AGPS: variants seen among roughly 807,000 people sequenced by gnomAD.
AGPS encodes alkyldihydroxyacetonephosphate synthase, peroxisomal.
Under a neutral mutation model 90.7 loss-of-function variants are expected in AGPS, and 26 were observed. The observed-to-expected ratio is 0.29, with a 90% confidence interval of 0.21 to 0.40. The LOEUF (loss-of-function observed/expected upper bound fraction) is 0.40, where lower values mean the gene tolerates loss of function less well. Ranked by LOEUF, AGPS falls within the 10% of genes least tolerant of loss-of-function variation. The pLI is 1.00. For missense variants in AGPS, 540 were observed against 816.1 expected (o/e 0.66, Z 4.12); for synonymous variants, 294 against 285.3 (o/e 1.03, Z -0.31).
intron 12 of AGPS, among the ~76,000 whole-genome samples, chr2:177,493,903 G>A (rs906490169): frequency 2.6e-5 from 4 of 152,108 alleles, no homozygotes; most frequent in Non-Finnish European, 2.9e-5. Context: ...GATAGAGAAC[G>A]GATGATAGAT....
chr2:177,522,612 C>A (rs770870671), intron 18 of AGPS, among the ~76,000 whole-genome samples: 1 of 152,048 alleles, frequency 6.6e-6, no homozygotes, highest in Non-Finnish European at 1.5e-5. Flanking sequence ...CACCACCATG[C>A]CTGGCTAATT....
intron 1 of AGPS, among the ~76,000 whole-genome samples, chr2:177,399,685 A>G (rs1008338429): frequency 2.6e-5 from 4 of 152,192 alleles, no homozygotes; most frequent in Non-Finnish European, 4.4e-5. Context: ...TGCAGAATGA[A>G]CACATCTATT....
At chr2:177,395,008 T>G (rs948597793) in intron 1 of AGPS, among the ~76,000 whole-genome samples, 2 of 152,118 alleles carry the variant, frequency 1.3e-5, no homozygotes, top group Non-Finnish European at 2.9e-5. Flanking sequence ...TACTGAGTGG[T>G]GGGGAGGGGA....
At chr2:177,438,485 ATT>A (rs1458736158) in intron 5 of AGPS, among the ~76,000 whole-genome samples, 2 of 152,202 alleles carry the variant, frequency 1.3e-5, no homozygotes, top group African/African-American at 4.8e-5. Context: ...AGTAAACAAT[ATT>A]TCACAAAAGT....
At position 177,401,841 on chromosome 2, in the gene AGPS, C is replaced by T. The variant is rs533226457; in HGVS notation, c.260+8792C>T. On this transcript the variant is annotated intron_variant, in intron 1 of 19. Coordinates refer to ENST00000264167, the MANE Select transcript of AGPS (RefSeq NM_003659.4). ...GATTACAGGTGTGAGCCACCGTGCC[C>T]GGCTGATTCCAGATTTTTAAAACAT... 6.6e-5 allele frequency among the ~76,000 whole-genome samples: 10 copies of T among 152,114 alleles called. No individual in the cohort carries two copies. In the East Asian group the frequency reaches 1.2e-3, roughly 18 times the overall value.
At chr2:177,486,373 A>G (rs1422337887) in intron 11 of AGPS, among the ~76,000 whole-genome samples, 2 of 152,304 alleles carry the variant, frequency 1.3e-5, no homozygotes, top group African/African-American at 4.8e-5. Context: ...TACAAGTCTC[A>G]TATGTCAAGA....
At chr2:177,468,231 A>G (rs1038243593) in intron 9 of AGPS, among the ~76,000 whole-genome samples, 185 bp from the exon 10 acceptor site, 6 of 152,134 alleles carry the variant, frequency 3.9e-5, no homozygotes, top group African/African-American at 1.4e-4. Flanking sequence ...TTTTAAGGTT[A>G]TATACAAATT....
Position 177,521,331 on chromosome 2 carries a change from G to A in AGPS, c.1760G>A (p.Gly587Glu). The A allele has an allele frequency of 6.2e-7, 1 of 1,614,030 alleles. No individual in the cohort carries two copies. The highest frequency in any genetic ancestry group is 8.5e-7 in the Non-Finnish European group (1 of 1,179,946). ...TTCTATTTTGCCTTTAACTACAGGG[G>A]AATTAGTGACCCACTGACCGTATTT... ...IYFYFAFNYR[G>E]ISDPLTVFEQ... The change falls in exon 18 of 20, where the codon GGA (glycine) becomes GAA (glutamate). Residue 587 changes from glycine to glutamate, a missense_variant. Physicochemically the swap from Gly to Glu is moderately conservative, Grantham distance 98. Around this residue, in one of 2 missense-constraint regions of AGPS, gnomAD observed 405 missense variants for 692.1 expected, o/e 0.59. Transcript: ENST00000264167.
chr2:177,431,965 A>G (rs1574362014), intron 2 of AGPS, among the ~76,000 whole-genome samples: 1 of 152,192 alleles, frequency 6.6e-6, no homozygotes, highest in Non-Finnish European at 1.5e-5. Flanking sequence ...GAACTGATAA[A>G]TGACCATGAA....
At chr2:177,409,103 T>A (rs972068116) in intron 1 of AGPS, among the ~76,000 whole-genome samples, 4 of 152,212 alleles carry the variant, frequency 2.6e-5, no homozygotes, top group Non-Finnish European at 4.4e-5. Context: ...TCCATGGGTT[T>A]GCCGGAAGCA....
intron 8 of AGPS, among the ~76,000 whole-genome samples, chr2:177,450,735 T>C (rs1686913523): frequency 6.6e-6 from 1 of 151,946 alleles, no homozygotes; most frequent in Non-Finnish European, 1.5e-5. Context: ...TGTATTTCTA[T>C]ATGAACTTCA....
At chr2:177,408,651 C>G (rs550312855) in intron 1 of AGPS, among the ~76,000 whole-genome samples, 3 of 152,152 alleles carry the variant, frequency 2.0e-5, no homozygotes, top group Admixed American at 2.0e-4. Flanking sequence ...TGTTTTCTTG[C>G]GGAATTCTAC....
chr2:177,475,640 CT>C (rs1211682370), intron 10 of AGPS, among the ~76,000 whole-genome samples: 1 of 152,110 alleles, frequency 6.6e-6, no homozygotes, highest in African/African-American at 2.4e-5. Flanking sequence ...TACCTCATTC[CT>C]TTTTTTATAA....
chr2:177,408,143 A>G (rs1685516495), intron 1 of AGPS, among the ~76,000 whole-genome samples: 1 of 152,184 alleles, frequency 6.6e-6, no homozygotes, highest in African/African-American at 2.4e-5. Context: ...GAACCCAAAA[A>G]GTGTAGAACA....
chr2:177,418,796 C>CA (rs774998559), intron 1 of AGPS, among the ~76,000 whole-genome samples: 161 of 132,884 alleles, frequency 1.2e-3, no homozygotes, highest in Admixed American at 1.3e-3. Context: ...GTTTTGGCAC[C>CA]AAAAAAAAAA....
intron 1 of AGPS, among the ~76,000 whole-genome samples, chr2:177,396,938 T>TTCTCTTC (rs1685193178): frequency 1.3e-4 from 1 of 7,526 alleles, no homozygotes; most frequent in Admixed American, 1.8e-3. Flanking sequence ...CTTCTTTTTC[T>TTCTCTTC]TTTCTTTTTT....
rs576740314 is a variant in AGPS, at chr2:177,496,664, G to A, written c.1286-1025G>A. 9.4e-4 allele frequency among the ~76,000 whole-genome samples: 143 copies of A among 151,994 alleles called. 1 individual carries two copies. The Middle Eastern group carries it at 0.01, about 11-fold the overall frequency. On this transcript the variant is annotated intron_variant, in intron 12 of 19. Coordinates refer to ENST00000264167, the MANE Select transcript of AGPS (RefSeq NM_003659.4). ...CTCTGGTTAAGACTTCTATTACTTG[G>A]TCTTTTATGTAACACAGTTTCCTAT... is the stretch of plus-strand genomic sequence containing the variant.
chr2:177,441,258 C>T, intron 6 of AGPS: 1 of 490,322 alleles, frequency 2.0e-6, no homozygotes, highest in Non-Finnish European at 3.6e-6. Context: ...CTCTATGGGC[C>T]CTAGTTGAAG....
At chr2:177,428,898 C>G (rs1212533567) in intron 2 of AGPS, among the ~76,000 whole-genome samples, 1 of 152,168 alleles carries the variant, frequency 6.6e-6, no homozygotes, top group East Asian at 1.9e-4. Context: ...GGATTATATT[C>G]TGAAGTATGT....
Sources: gnomAD v4.1 joint callset for allele counts (sites outside exome capture counted in the v4.1 genomes callset) on GRCh38, gnomAD v4.1.1 for gene constraint, gnomAD v4.1.1 regional missense constraint, MANE v1.5 for transcripts, NCBI Gene and HGNC (gene_info 2026-07-23, HGNC 2026-07-21) for gene names.